The following NTN4 variants were observed in gnomAD, a reference collection of about 807,000 sequenced individuals.
NTN4 encodes the protein netrin 4, also known as netrin-4.
NTN4 carries 32 observed loss-of-function variants against 73.6 expected under a neutral mutation model. That is an observed-to-expected ratio of 0.44 (90% CI 0.33 to 0.58). The LOEUF (loss-of-function observed/expected upper bound fraction) is 0.58, where lower values mean the gene tolerates loss of function less well. Ranked by LOEUF, NTN4 falls within the 20% of genes least tolerant of loss-of-function variation. NTN4 has a pLI of 0.04. For missense variants in NTN4, 654 were observed against 798.3 expected (o/e 0.82, Z 2.18); for synonymous variants, 258 against 287.5 (o/e 0.90, Z 1.04).
At chr12:95,672,580 T>C in intron 7 of NTN4, 1 of 1,523,584 alleles carries the variant, frequency 6.6e-7, no homozygotes, top group Admixed American at 1.7e-5. Context: ...AGCGGCACTA[T>C]GGGGGTCTGA....
At chr12:95,721,803 C>T (rs751038899) in intron 3 of NTN4, among the ~76,000 whole-genome samples, 27 of 152,186 alleles carry the variant, frequency 1.8e-4, no homozygotes, top group South Asian at 1.4e-3. Flanking sequence ...ATTTTATATG[C>T]CCCAAAGCTT....
At chr12:95,754,133 T>A (rs994903966) in intron 2 of NTN4, among the ~76,000 whole-genome samples, 2 of 152,188 alleles carry the variant, frequency 1.3e-5, no homozygotes, top group Non-Finnish European at 2.9e-5. Context: ...GTCCTCCCAA[T>A]TCTTAGACCT....
intron 7 of NTN4, among the ~76,000 whole-genome samples, chr12:95,682,056 G>GTTT (rs1349857597): frequency 5.3e-5 from 2 of 37,962 alleles, no homozygotes; most frequent in African/African-American, 3.1e-4. Context: ...TATTCAGTAG[G>GTTT]CTTTTTTTTT....
At chr12:95,751,581 C>A (rs2078907696) in intron 2 of NTN4, among the ~76,000 whole-genome samples, 3 of 151,968 alleles carry the variant, frequency 2.0e-5, no homozygotes, top group Admixed American at 6.6e-5. Context: ...ACTCCCAGAG[C>A]CCCTGGAACT....
intron 5 of NTN4, among the ~76,000 whole-genome samples, chr12:95,700,293 C>A (rs2078474916): frequency 6.6e-6 from 1 of 151,504 alleles, no homozygotes. Flanking sequence ...AGAGCTTATG[C>A]TAGAGACAAG....
At chr12:95,717,925 A>C (rs1285655153) in intron 3 of NTN4, among the ~76,000 whole-genome samples, 1 of 152,218 alleles carries the variant, frequency 6.6e-6, no homozygotes, top group Non-Finnish European at 1.5e-5. Context: ...TTATGCTAAG[A>C]ATACTCTTCT....
rs1565903674 is a variant in NTN4, at chr12:95,741,438, TATATA to T, written c.586-3299_586-3295del. On this transcript the variant is annotated intron_variant, in intron 2 of 9. Transcript: ENST00000343702. ...AAATTATGTATAAATTATATATATA[TATATA>T]TATATATATATATATATATATATAT... Among the ~76,000 whole-genome samples the T allele has an allele frequency of 6.9e-3, 697 of 101,046 alleles. 26 individuals are homozygous for T. Among genetic ancestry groups the T allele is most frequent in the African/African-American group, 0.019 (536 of 27,516 alleles). 66.3% of individuals were successfully genotyped at this position (101,046 alleles called of 152,430 possible).
intron 5 of NTN4, among the ~76,000 whole-genome samples, chr12:95,702,298 CAAAAAA>C (rs532799870): frequency 2.0e-5 from 2 of 100,214 alleles, no homozygotes; most frequent in South Asian, 6.2e-4. Flanking sequence ...AAAAAAAAAA[CAAAAAA>C]AAAGAAAAAA....
At chr12:95,672,790 G>A (rs12814200) in intron 7 of NTN4, 16 of 1,313,570 alleles carry the variant, frequency 1.2e-5, no homozygotes, top group South Asian at 3.5e-5. Context: ...TATTGCCAGC[G>A]CTCTGCCCTT....
In NTN4 at chr12:95,790,707, GTCC is replaced by G. The variant is rs2121317903; in HGVS notation, c.-401_-399del. On this transcript the variant is annotated 5_prime_UTR_variant, in exon 1 of 10. Transcript: ENST00000343702. This position sits in a 1 kb window ranked among gnomAD's most constrained non-coding sequence, Gnocchi z 6.5. ...CCGCCGCCGCCGCCTCCTCCTGGGC[GTCC>G]TCCTCCGCTTTTCCCACCTCTTCTG... 1 of 160,130 alleles carries G rather than the reference GTCC, an allele frequency of 6.2e-6. No homozygotes were observed. Among genetic ancestry groups the G allele is most frequent in the East Asian group, 1.8e-4 (1 of 5,518 alleles). 9.9% of individuals were successfully genotyped at this position (160,130 alleles called of 1,614,324 possible). A position where few individuals can be genotyped will look rare whatever the true frequency, so the allele number is the denominator to read the frequency against.
rs1260839029 is a variant in NTN4 at position 95,789,630 on chromosome 12, CAG to C, written c.55+623_55+624del. 1.3e-5 allele frequency among the ~76,000 whole-genome samples: 2 copies of C among 152,228 alleles called. No homozygotes were observed. Among genetic ancestry groups the C allele is most frequent in the Non-Finnish European group, 2.9e-5 (2 of 68,034 alleles). ...GAGCAGACCCGCCTCCGACCTCCCG[CAG>C]AGTCTCTGCCAGGGTACCAATTCCC... is the stretch of plus-strand genomic sequence containing the variant. On this transcript the variant is annotated intron_variant, in intron 1 of 9. Coordinates refer to ENST00000343702, the MANE Select transcript of NTN4 (RefSeq NM_021229.4). This position sits in a 1 kb window ranked among gnomAD's most constrained non-coding sequence, Gnocchi z 4.0.
At chr12:95,734,219 G>A (rs1367848115) in intron 3 of NTN4, among the ~76,000 whole-genome samples, 4 of 151,920 alleles carry the variant, frequency 2.6e-5, no homozygotes, top group South Asian at 2.1e-4. Flanking sequence ...AACAATTCTA[G>A]CCCATAAAAT....
intron 9 of NTN4, chr12:95,663,364 C>T (rs917809811): frequency 6.6e-6 from 1 of 152,140 alleles, no homozygotes; most frequent in African/African-American, 2.4e-5. Context: ...ATTTTCCTAT[C>T]TCTAGGGTTT....
intron 2 of NTN4, among the ~76,000 whole-genome samples, chr12:95,758,698 G>A (rs776127304): frequency 6.6e-6 from 1 of 152,058 alleles, no homozygotes; most frequent in Non-Finnish European, 1.5e-5. Flanking sequence ...CTGAATAACT[G>A]AGACTACAGG....
chr12:95,775,991 T>C (rs945149658), intron 2 of NTN4, among the ~76,000 whole-genome samples: 1 of 152,148 alleles, frequency 6.6e-6, no homozygotes, highest in Non-Finnish European at 1.5e-5. Context: ...GGCAGCAACA[T>C]TTGCTGTTCA....
upstream of NTN4, among the ~76,000 whole-genome samples, chr12:95,790,932 G>GT (rs1555222882): frequency 2.7e-5 from 4 of 148,890 alleles, no homozygotes; most frequent in South Asian, 4.2e-4. This position sits in a 1 kb window ranked among gnomAD's most constrained non-coding sequence, Gnocchi z 6.5. Flanking sequence ...GCCGCCCGGG[G>GT]GGGGGGTCCC....
At chr12:95,763,043 G>A (rs546788971) in intron 2 of NTN4, among the ~76,000 whole-genome samples, 1 of 152,194 alleles carries the variant, frequency 6.6e-6, no homozygotes, top group East Asian at 1.9e-4. Context: ...AAAATCCTAA[G>A]TTTCTGTGAC....
chr12:95,770,699 T>C (rs1300480187), intron 2 of NTN4, among the ~76,000 whole-genome samples: 2 of 152,250 alleles, frequency 1.3e-5, no homozygotes, highest in African/African-American at 4.8e-5. Context: ...TCAATTCAAC[T>C]TTAAAACAGA....
At chr12:95,705,830 G>A (rs928027578) in intron 5 of NTN4, among the ~76,000 whole-genome samples, 1 of 152,110 alleles carries the variant, frequency 6.6e-6, no homozygotes, top group Non-Finnish European at 1.5e-5. Context: ...TCAAAAGATG[G>A]TGTCTCTTTT....
Sources: gnomAD v4.1 joint callset for allele counts (sites outside exome capture counted in the v4.1 genomes callset) on GRCh38, gnomAD v4.1.1 for gene constraint, Gnocchi (gnomAD v3.1) non-coding constraint, MANE v1.5 for transcripts, NCBI Gene and HGNC (gene_info 2026-07-23, HGNC 2026-07-21) for gene names.